NOBOX: variants seen among roughly 807,000 people sequenced by gnomAD.
NOBOX encodes homeobox protein NOBOX.
NOBOX carries 46 observed loss-of-function variants against 60.2 expected under a neutral mutation model. The observed-to-expected ratio is 0.76, with a 90% CI of 0.60 to 0.98. The LOEUF (loss-of-function observed/expected upper bound fraction) is 0.98, where lower values mean the gene tolerates loss of function less well. Among genes scored for constraint, NOBOX ranks in the 50% least tolerant of loss-of-function variants. The pLI is 0.00. For synonymous variants in NOBOX, 360 were observed against 346.3 expected, an observed-to-expected ratio of 1.04 and a Z score of -0.44; for missense variants, 880 against 865.5, an observed-to-expected ratio of 1.02 and a Z score of -0.21.
rs2053943569 is a variant in NOBOX at position 144,401,993 on chromosome 7, G to A, written c.211-43C>T. ...AGACAAAGAGAAACAGATTGACAGA[G>A]ATTCTGCTTCTCCCAAGGCGGGATG... On this transcript the variant is annotated intron_variant, in intron 2 of 9. Transcript: ENST00000467773. The surrounding 1 kb of genome is among the most constrained non-coding windows in gnomAD (Gnocchi z 4.2). The A allele has an allele frequency of 7.0e-7, 1 of 1,432,460 alleles. No homozygotes were observed. Among genetic ancestry groups the A allele is most frequent in the Non-Finnish European group, 9.8e-7 (1 of 1,016,232 alleles). 88.7% of individuals were successfully genotyped at this position (1,432,460 alleles called of 1,614,324 possible).
Position 144,401,518 on chromosome 7 carries a change from C to T in NOBOX, c.372G>A (p.Gln124=), listed in dbSNP as rs1466895812. 6.6e-7 allele frequency: 1 copy of T among 1,524,450 alleles called. No homozygotes were observed. The highest frequency in any genetic ancestry group is 8.8e-7 in the Non-Finnish European group (1 of 1,140,548). The allele number at this position is 1,524,450 out of a possible 1,614,324, so 94.4% of individuals were successfully genotyped here. A position where few individuals can be genotyped will look rare whatever the true frequency, so the allele number is the denominator to read the frequency against. ...GTGGCAGTTCCTCACTCTGAGTGTC[C>T]TGAGCATGAGGGGCTGAGCCCCGGA... The change falls in exon 4 of 10, where the codon CAG becomes CAA. Residue 124 remains glutamine (Q), a synonymous_variant. Coordinates refer to ENST00000467773, the MANE Select transcript of NOBOX (RefSeq NM_001080413.3). The surrounding 1 kb of genome is among the most constrained non-coding windows in gnomAD (Gnocchi z 4.2).
intron 2 of NOBOX, 138 bp downstream of exon 1, chr7:144,403,519 A>ACCCC: frequency 2.3e-5 from 5 of 219,856 alleles, no homozygotes; most frequent in South Asian, 3.9e-5. Context: ...CTCCCACCCT[A>ACCCC]CCCCACCCGA....
rs185566002 is a variant in NOBOX at position 144,399,679 on chromosome 7, C to T, written c.1154+78G>A. Reference sequence around the variant, plus strand: ...CTCATGCCTAGCCTTCCAATGGTCTCCTTCTAGACCCTCAGGATCCCAGCT... The same window carrying T: ...CTCATGCCTAGCCTTCCAATGGTCTTCTTCTAGACCCTCAGGATCCCAGCT... On this transcript the variant is annotated intron_variant, in intron 6 of 9. Coordinates refer to ENST00000467773, the MANE Select transcript of NOBOX (RefSeq NM_001080413.3). 4,062 of 1,281,962 alleles carry T rather than the reference C, an allele frequency of 3.2e-3. 10 individuals carry two copies. The highest frequency in any genetic ancestry group is 4.8e-3 in the Middle Eastern group (26 of 5,364). The allele number at this position is 1,281,962 out of a possible 1,614,324, so 79.4% of individuals were successfully genotyped here.
intron 4 of NOBOX, among the ~76,000 whole-genome samples, 161 bp from the exon 3 acceptor site, chr7:144,400,473 T>C (rs1243943047): frequency 1.3e-5 from 2 of 152,274 alleles, no homozygotes; most frequent in Non-Finnish European, 2.9e-5. Flanking sequence ...CTTCTCGCTC[T>C]TGGGTGCTAC....
At chr7:144,397,130 C>A, downstream of NOBOX, 1 of 908,824 alleles carries the variant, frequency 1.1e-6, no homozygotes, top group East Asian at 2.7e-5. Flanking sequence ...TCTAACTCTC[C>A]CCTCAGTCTA....
chr7:144,399,107 C>T lies in NOBOX; in HGVS notation c.1312G>A (p.Val438Met). The T allele has an allele frequency of 6.7e-7, 1 of 1,482,098 alleles. No homozygotes were observed. Among genetic ancestry groups the T allele is most frequent in the Non-Finnish European group, 9.4e-7 (1 of 1,062,612 alleles). The allele number at this position is 1,482,098 out of a possible 1,614,324, so 91.8% of individuals were successfully genotyped here. The change falls in exon 8 of 10, where the codon GTG (valine) becomes ATG (methionine). Residue 438 changes from valine to methionine, a missense_variant. Transcript: ENST00000467773. ...GGGGGGCTGAAGAGTGGGGGGGTCA[C>T]CACCCTCTGAGCACCCTCACTGGGT... is the stretch of plus-strand genomic sequence containing the variant.
At position 144,397,421 on chromosome 7, in the gene NOBOX, G is replaced by T; in HGVS notation, c.1895C>A (p.Pro632His). The T allele has an allele frequency of 1.3e-6, 2 of 1,537,258 alleles. No individual in the cohort carries two copies. Among genetic ancestry groups the T allele is most frequent in the Non-Finnish European group, 1.7e-6 (2 of 1,146,916 alleles). Residue 632 changes from proline (P) to histidine (H), a missense_variant, in exon 10 of 10, where the codon CCC (proline) becomes CAC (histidine). By Grantham distance (77) the Pro-to-His change is moderately conservative. Coordinates refer to ENST00000467773, the MANE Select transcript of NOBOX (RefSeq NM_001080413.3). ...CTGCCTGCCCAGAGCCTGGGGGCAG[G>T]GAGTTGGAAATAGATCAGGAAAGTA...
intron 1 of NOBOX, among the ~76,000 whole-genome samples, chr7:144,408,227 A>G (rs1201832286): frequency 6.7e-6 from 1 of 148,708 alleles, no homozygotes; most frequent in Non-Finnish European, 1.5e-5. Flanking sequence ...GCTGTATATC[A>G]GCATGAAACT....
Position 144,404,559 on chromosome 7 carries a change from T to C in NOBOX, c.207A>G (p.Lys69=). 1 of 1,612,594 alleles carries C rather than the reference T, an allele frequency of 6.2e-7. No individual in the cohort carries two copies. The change falls in exon 2 of 10, where the codon AAA becomes AAG. Residue 69 remains lysine, a synonymous_variant. Coordinates refer to ENST00000467773, the MANE Select transcript of NOBOX (RefSeq NM_001080413.3). ...CCACAGCGCTCGCCCCCCGTACTGATTTGAGGGTCTCCAGAGCACAAAGGC... is the reference window on the plus strand; with the variant it reads ...CCACAGCGCTCGCCCCCCGTACTGACTTGAGGGTCTCCAGAGCACAAAGGC...
In NOBOX at chr7:144,399,119, C is replaced by G. The variant is rs749761088; in HGVS notation, c.1300G>C (p.Ala434Pro). 3 of 1,556,100 alleles carry G rather than the reference C, an allele frequency of 1.9e-6. No individual in the cohort carries two copies. Among genetic ancestry groups the G allele is most frequent in the Non-Finnish European group, 2.7e-6 (3 of 1,130,770 alleles). ...AGTGGGGGGGTCACCACCCTCTGAG[C>G]ACCCTCACTGGGTTGGGTGGGGGCC... The change falls in exon 8 of 10, where the codon GCT (alanine) becomes CCT (proline). Residue 434 changes from alanine (A) to proline (P), a missense_variant. Transcript: ENST00000467773.
In NOBOX at chr7:144,401,880, T is replaced by A. The variant is rs772613540; in HGVS notation, c.281A>T (p.Glu94Val). Reference sequence around the variant, plus strand: ...TTGGGGGTACTCACCCCTTGTGAGTTCCCTTTTCCCAGACACCAGGGGTAT... The same window carrying A: ...TTGGGGGTACTCACCCCTTGTGAGTACCCTTTTCCCAGACACCAGGGGTAT... The change falls in exon 3 of 10, where the codon GAA (glutamate) becomes GTA (valine). Residue 94 changes from glutamate (E) to valine (V), a missense_variant. Glu to Val is a moderately radical substitution (Grantham distance 121). Transcript: ENST00000467773. The surrounding 1 kb of genome is among the most constrained non-coding windows in gnomAD (Gnocchi z 4.2). The A allele has an allele frequency of 1.8e-5, 29 of 1,604,858 alleles. No individual in the cohort carries two copies. In the South Asian group the frequency reaches 3.0e-4, roughly 16 times the overall value.
Position 144,397,527 on chromosome 7 carries a change from T to C in NOBOX, c.1789A>G (p.Ser597Gly). The change falls in exon 10 of 10, where the codon AGT (serine) becomes GGT (glycine). Residue 597 changes from serine to glycine, a missense_variant. Ser to Gly is a moderately conservative substitution (Grantham distance 56). Transcript: ENST00000467773. ...GGCAGCTCTGGCAAACAGGGGTCAC[T>C]CCAGGAGGCTGTACCTGTGGGGTCG... 6.5e-7 allele frequency: 1 copy of C among 1,529,022 alleles called. No individual in the cohort carries two copies. Among genetic ancestry groups the C allele is most frequent in the Non-Finnish European group, 8.8e-7 (1 of 1,141,608 alleles). 94.7% of individuals were successfully genotyped at this position (1,529,022 alleles called of 1,614,324 possible).
intron 9 of NOBOX, among the ~76,000 whole-genome samples, chr7:144,397,820 G>C (rs1294488813): frequency 6.6e-6 from 1 of 152,162 alleles, no homozygotes; most frequent in Non-Finnish European, 1.5e-5. Flanking sequence ...GGAACCACCT[G>C]ATCTTTCCTC....
Position 144,401,012 on chromosome 7 carries a change from A to C in NOBOX, c.844+34T>G, listed in dbSNP as rs2053933752. 2.0e-6 allele frequency: 3 copies of C among 1,476,774 alleles called. No individual in the cohort carries two copies. The South Asian group carries it at 4.7e-5, about 23-fold the overall frequency. 91.5% of individuals were successfully genotyped at this position (1,476,774 alleles called of 1,614,324 possible). ...CCCCACCTTTCCCCAGGATGACCCCAGATCTCTTCGGTTTCCTCTCTTTAG... is the reference window on the plus strand; with the variant it reads ...CCCCACCTTTCCCCAGGATGACCCCCGATCTCTTCGGTTTCCTCTCTTTAG... On this transcript the variant is annotated intron_variant, in intron 4 of 9. Coordinates refer to ENST00000467773, the MANE Select transcript of NOBOX (RefSeq NM_001080413.3). This position sits in a 1 kb window ranked among gnomAD's most constrained non-coding sequence, Gnocchi z 4.2.
At chr7:144,403,486 C>G (rs1400804035) in intron 2 of NOBOX, among the ~76,000 whole-genome samples, 171 bp downstream of exon 1, 3 of 151,860 alleles carry the variant, frequency 2.0e-5, no homozygotes, top group Non-Finnish European at 4.4e-5. Flanking sequence ...TCCCAAAGCA[C>G]AGGGGGCAGT....
rs1372649621 is a variant in NOBOX at position 144,401,342 on chromosome 7, TC to T, written c.547del (p.Glu183LysfsTer10). On this transcript the variant is annotated frameshift_variant, in exon 4 of 10. Transcript: ENST00000467773. LOFTEE classifies it high-confidence loss of function. This position sits in a 1 kb window ranked among gnomAD's most constrained non-coding sequence, Gnocchi z 4.2. ...CTCTCCCACTGGGAGGGAACAATCT[TC>T]CCCCTGAGTCTGGGGCCTGGAGCGG... 6.2e-7 allele frequency: 1 copy of T among 1,613,578 alleles called. No homozygotes were observed. Among genetic ancestry groups the T allele is most frequent in the Non-Finnish European group, 8.5e-7 (1 of 1,179,778 alleles).
chr7:144,399,786 T>C lies in NOBOX; in HGVS notation c.1125A>G (p.Ala375=), dbSNP rs2053923091. The C allele has an allele frequency of 1.9e-6, 3 of 1,612,732 alleles. No homozygotes were observed. The African/African-American group carries it at 4.0e-5, about 22-fold the overall frequency. The change falls in exon 6 of 10, where the codon GCA becomes GCG. Residue 375 remains alanine (A), a synonymous_variant. Transcript: ENST00000467773. ...ATTGACTGCTGGCAGGGCCAGGGGC[T>C]GCAGGATTGTCCTTGCTTTCTTTCC...
At chr7:144,403,596 T>TG in intron 2 of NOBOX, 61 bp downstream of exon 1, 1 of 559,296 alleles carries the variant, frequency 1.8e-6, no homozygotes, top group South Asian at 1.6e-5. Context: ...ATCACAGGCC[T>TG]CCCCCCCTCC....
In NOBOX at chr7:144,401,959, G is replaced by A. The variant is rs1158215869; in HGVS notation, c.211-9C>T. On this transcript the variant is annotated splice_polypyrimidine_tract_variant and intron_variant, in intron 2 of 9. Transcript: ENST00000467773. This position sits in a 1 kb window ranked among gnomAD's most constrained non-coding sequence, Gnocchi z 4.2. ...AAGGGATCATGTTGGGGCTGCGGAT[G>A]GACCAGGAAGACAAAGAGAAACAGA... 4 of 1,599,360 alleles carry A rather than the reference G, an allele frequency of 2.5e-6. No homozygotes were observed. The African/African-American group carries it at 4.0e-5, about 16-fold the overall frequency.
Sources: gnomAD v4.1 joint callset for allele counts (sites outside exome capture counted in the v4.1 genomes callset) on GRCh38, gnomAD v4.1.1 for gene constraint, Gnocchi (gnomAD v3.1) non-coding constraint, MANE v1.5 for transcripts, NCBI Gene and HGNC (gene_info 2026-07-23, HGNC 2026-07-21) for gene names.